The following AIG1 variants were observed in gnomAD, a reference collection of about 807,000 sequenced individuals.
AIG1 encodes androgen-induced gene 1 protein.
Under a neutral mutation model 31.4 loss-of-function variants are expected in AIG1, and 23 were observed. That is an observed-to-expected ratio of 0.73 (90% CI 0.53 to 1.04). The LOEUF (loss-of-function observed/expected upper bound fraction) is 1.04. Among genes scored for constraint, AIG1 ranks in the 50% least tolerant of loss-of-function variants. The pLI, the probability that AIG1 is intolerant of heterozygous loss-of-function variation, is 0.00. For missense variants in AIG1, 274 were observed against 295.0 expected (o/e 0.93, Z 0.52); for synonymous variants, 100 against 110.5 (o/e 0.90, Z 0.60).
chr6:143,217,540 G>T (rs982990407), intron 3 of AIG1, among the ~76,000 whole-genome samples: 2 of 151,794 alleles, frequency 1.3e-5, no homozygotes, highest in Non-Finnish European at 2.9e-5. Flanking sequence ...ACAGAGTCTC[G>T]CTCTGTCGCC....
intron 1 of AIG1, among the ~76,000 whole-genome samples, chr6:143,114,315 A>T (rs1299224678): frequency 1.3e-5 from 2 of 152,366 alleles, no homozygotes; most frequent in East Asian, 3.9e-4. Context: ...TGACTAGTTT[A>T]AAACAATGCT....
intron 3 of AIG1, among the ~76,000 whole-genome samples, chr6:143,212,191 G>T (rs1268922566): frequency 2.6e-5 from 4 of 152,086 alleles, no homozygotes; most frequent in Non-Finnish European, 5.9e-5. Flanking sequence ...AATTGCCCTA[G>T]GTTGAAAAAT....
intron 3 of AIG1, among the ~76,000 whole-genome samples, chr6:143,272,462 G>C (rs1176119115): frequency 6.6e-6 from 1 of 152,176 alleles, no homozygotes; most frequent in South Asian, 2.1e-4. Context: ...AAGAGAGAGA[G>C]TGAACACACA....
chr6:143,334,408 G>C lies in AIG1; in HGVS notation c.679+963G>C, dbSNP rs971985326. On this transcript the variant is annotated intron_variant, in intron 5 of 5. Coordinates refer to ENST00000357847, the MANE Select transcript of AIG1 (RefSeq NM_016108.4). This position sits in a 1 kb window ranked among gnomAD's most constrained non-coding sequence, Gnocchi z 5.1. Reference sequence around the variant, plus strand: ...AACGCACAGTGAGTGCATGGTTACTGTGCATGGTTACTGAATCAGACTTTT... The same window carrying C: ...AACGCACAGTGAGTGCATGGTTACTCTGCATGGTTACTGAATCAGACTTTT... Among the ~76,000 whole-genome samples, 6 of 152,220 alleles carry C rather than the reference G, an allele frequency of 3.9e-5. No homozygotes were observed. Among genetic ancestry groups the C allele is most frequent in the Non-Finnish European group, 7.3e-5 (5 of 68,028 alleles).
chr6:143,292,989 C>A lies in AIG1; in HGVS notation c.515+8764C>A, dbSNP rs1798158965. Among the ~76,000 whole-genome samples the A allele has an allele frequency of 6.6e-6, 1 of 152,190 alleles. No individual in the cohort carries two copies. The highest frequency in any genetic ancestry group is 2.4e-5 in the African/African-American group (1 of 41,438). On this transcript the variant is annotated intron_variant, in intron 4 of 5. Coordinates refer to ENST00000357847, the MANE Select transcript of AIG1 (RefSeq NM_016108.4). This position sits in a 1 kb window ranked among gnomAD's most constrained non-coding sequence, Gnocchi z 4.9. ...TAGATGCTCCTTGTTTAGTTCCCGT[C>A]TTCCTCGGGTCTTTGAGCAAATTAC...
chr6:143,223,819 T>C (rs1334073850), intron 3 of AIG1, among the ~76,000 whole-genome samples: 2 of 152,214 alleles, frequency 1.3e-5, no homozygotes, highest in Non-Finnish European at 2.9e-5. Flanking sequence ...TTTAACAGAA[T>C]AACTATTTTT....
chr6:143,260,044 G>A lies in AIG1; in HGVS notation c.400-24066G>A, dbSNP rs967530271. Among the ~76,000 whole-genome samples the A allele has an allele frequency of 4.1e-5, 4 of 97,086 alleles. No individual in the cohort carries two copies. In the Admixed American group the frequency reaches 5.0e-4, roughly 12 times the overall value. 63.7% of individuals were successfully genotyped at this position (97,086 alleles called of 152,430 possible). A position where few individuals can be genotyped will look rare whatever the true frequency, so the allele number is the denominator to read the frequency against. On this transcript the variant is annotated intron_variant, in intron 3 of 5. Coordinates refer to ENST00000357847, the MANE Select transcript of AIG1 (RefSeq NM_016108.4). ...TTTTTTTTTTTTTTTTTTTTTTTGA[G>A]ACGGAGTCTCACTCTGTCACCCAGG...
chr6:143,099,343 A>G (rs755853714), intron 1 of AIG1: 1 of 152,234 alleles, frequency 6.6e-6, no homozygotes, highest in Admixed American at 6.5e-5. Flanking sequence ...CAAACTTGCT[A>G]TGCTCTGTTC....
chr6:143,102,961 G>A (rs539203794), intron 1 of AIG1, among the ~76,000 whole-genome samples: 53 of 152,266 alleles, frequency 3.5e-4, no homozygotes, highest in South Asian at 1.9e-3. Flanking sequence ...TGAAAATCTA[G>A]TGTACATATA....
chr6:143,200,771 A>T (rs763808004), intron 3 of AIG1, among the ~76,000 whole-genome samples: 1 of 152,002 alleles, frequency 6.6e-6, no homozygotes, highest in Non-Finnish European at 1.5e-5. Context: ...CCTCTCCTGG[A>T]CATTTACGTA....
intron 4 of AIG1, among the ~76,000 whole-genome samples, chr6:143,301,775 G>C (rs925573347): frequency 1.2e-4 from 18 of 152,130 alleles, no homozygotes; most frequent in Non-Finnish European, 1.6e-4. Flanking sequence ...TTCAAGGTGA[G>C]ATTTGGGTGG....
At chr6:143,112,678 T>A (rs187646631) in intron 1 of AIG1, among the ~76,000 whole-genome samples, 109 of 152,248 alleles carry the variant, frequency 7.2e-4, no homozygotes, top group Admixed American at 2.2e-3. Context: ...TCTATTTAAG[T>A]GTATACAAGG....
intron 3 of AIG1, among the ~76,000 whole-genome samples, chr6:143,175,096 G>T (rs1788017467): frequency 6.6e-6 from 1 of 152,124 alleles, no homozygotes; most frequent in Admixed American, 6.5e-5. Flanking sequence ...AAAATTCTTG[G>T]CTGATAATTG....
At chr6:143,144,646 T>C (rs971139579) in intron 2 of AIG1, among the ~76,000 whole-genome samples, 1 of 152,206 alleles carries the variant, frequency 6.6e-6, no homozygotes, top group African/African-American at 2.4e-5. Flanking sequence ...GCTCACTCTT[T>C]CACTTCATTC....
intron 3 of AIG1, among the ~76,000 whole-genome samples, chr6:143,178,658 T>A (rs1003547566): frequency 1.3e-5 from 2 of 152,250 alleles, no homozygotes; most frequent in African/African-American, 4.8e-5. Flanking sequence ...CTTTGTCACT[T>A]CTTTGCTGAA....
intron 3 of AIG1, among the ~76,000 whole-genome samples, chr6:143,194,281 G>T (rs532464429): frequency 1.3e-5 from 2 of 152,304 alleles, no homozygotes; most frequent in East Asian, 3.9e-4. Context: ...AGGAAGAACT[G>T]TCAAACACTC....
intron 1 of AIG1, among the ~76,000 whole-genome samples, chr6:143,091,622 T>G (rs938860800): frequency 2.0e-5 from 3 of 152,222 alleles, no homozygotes; most frequent in Admixed American, 1.3e-4. Context: ...CAAAATATTG[T>G]TAGTCTCATA....
chr6:143,102,832 C>A (rs1274017853), intron 1 of AIG1, among the ~76,000 whole-genome samples: 2 of 151,966 alleles, frequency 1.3e-5, no homozygotes, highest in African/African-American at 4.8e-5. Context: ...GCCAAATAGT[C>A]ATGTATTTCC....
chr6:143,189,673 C>CT (rs1294597291), intron 3 of AIG1: 78 of 985,124 alleles, frequency 7.9e-5, no homozygotes, highest in Non-Finnish European at 9.4e-5. Context: ...CAGTATCATC[C>CT]TTTTTTTCTG....
Sources: gnomAD v4.1 joint callset for allele counts (sites outside exome capture counted in the v4.1 genomes callset) on GRCh38, gnomAD v4.1.1 for gene constraint, Gnocchi (gnomAD v3.1) non-coding constraint, MANE v1.5 for transcripts, NCBI Gene and HGNC (gene_info 2026-07-23, HGNC 2026-07-21) for gene names.